The following NQO1 variants were observed in gnomAD, a reference collection of about 807,000 sequenced individuals.
NQO1 encodes NAD(P)H dehydrogenase [quinone] 1.
In NQO1, 30 loss-of-function variants were observed where a neutral mutation model predicts 32.1. The ratio of observed to expected loss-of-function variants is 0.94; its 90% CI spans 0.70 to 1.27. The LOEUF (loss-of-function observed/expected upper bound fraction) is 1.27. Ranked by LOEUF, NQO1 falls within the 50% of genes most tolerant of loss-of-function variation. NQO1 has a pLI of 0.00. For synonymous variants in NQO1, 109 were observed against 119.7 expected, an observed-to-expected ratio of 0.91 and a Z score of 0.59; for missense variants, 276 against 331.3, an observed-to-expected ratio of 0.83 and a Z score of 1.30.
intron 1 of NQO1, among the ~76,000 whole-genome samples, chr16:69,724,027 C>A (rs1447770297): frequency 6.6e-6 from 1 of 151,864 alleles, no homozygotes; most frequent in African/African-American, 2.4e-5. Flanking sequence ...CAAAGTTCAA[C>A]AGAAGGCTGG....
chr16:69,714,482 T>A (rs887869230), intron 4 of NQO1, among the ~76,000 whole-genome samples: 2 of 151,734 alleles, frequency 1.3e-5, no homozygotes, highest in Non-Finnish European at 2.9e-5. Context: ...CTGGAGCATT[T>A]TAAAACAAAT....
chr16:69,712,074 ACTGG>A (rs2038048829), intron 5 of NQO1, among the ~76,000 whole-genome samples: 1 of 152,070 alleles, frequency 6.6e-6, no homozygotes, highest in Non-Finnish European at 1.5e-5. Flanking sequence ...CCATGTATAA[ACTGG>A]CTGGACTAAA....
At chr16:69,723,126 T>G (rs2038215944) in intron 1 of NQO1, among the ~76,000 whole-genome samples, 1 of 152,182 alleles carries the variant, frequency 6.6e-6, no homozygotes, top group Non-Finnish European at 1.5e-5. Context: ...GGTTTCACCG[T>G]GTTAGCCAGG....
chr16:69,718,942 G>A (rs542306162), intron 1 of NQO1, among the ~76,000 whole-genome samples: 35 of 151,942 alleles, frequency 2.3e-4, no homozygotes, highest in African/African-American at 8.2e-4. Flanking sequence ...GGCTGAGGCA[G>A]GAGAATCACT....
intron 3 of NQO1, among the ~76,000 whole-genome samples, chr16:69,716,202 A>G (rs780594266): frequency 6.6e-6 from 1 of 150,800 alleles, no homozygotes; most frequent in African/African-American, 2.4e-5. Context: ...AATCATCATC[A>G]TCATCAACGT....
intron 1 of NQO1, among the ~76,000 whole-genome samples, chr16:69,725,534 C>T (rs1597606414): frequency 1.3e-5 from 2 of 152,132 alleles, no homozygotes; most frequent in East Asian, 3.9e-4. Flanking sequence ...AGAAACGGAT[C>T]CAGTACGATC....
At chr16:69,713,255 A>G (rs750456415) in intron 4 of NQO1, 126 bp from the exon 5 acceptor site, 38 of 721,880 alleles carry the variant, frequency 5.3e-5, no homozygotes, top group Non-Finnish European at 8.4e-5. Context: ...ATATTACTTC[A>G]TACTTTGGCT....
intron 5 of NQO1, 26 bp downstream of exon 5, chr16:69,713,002 A>G (rs766267556): frequency 6.3e-7 from 1 of 1,582,720 alleles, no homozygotes; most frequent in Non-Finnish European, 8.7e-7. Context: ...CAAAGAAAAA[A>G]AAGAAAAGAA....
chr16:69,725,827 T>C (rs1039439865), intron 1 of NQO1, among the ~76,000 whole-genome samples: 1 of 152,224 alleles, frequency 6.6e-6, no homozygotes, highest in African/African-American at 2.4e-5. Context: ...TGAGCTGAGA[T>C]AGCGCCATTG....
At chr16:69,717,321 G>A (rs755632718) in intron 3 of NQO1, among the ~76,000 whole-genome samples, 1 of 152,180 alleles carries the variant, frequency 6.6e-6, no homozygotes, top group Non-Finnish European at 1.5e-5. Context: ...GTGGTTTGCT[G>A]CAGGAACACA....
intron 3 of NQO1, among the ~76,000 whole-genome samples, chr16:69,717,172 T>C (rs1459428505): frequency 6.6e-6 from 1 of 151,560 alleles, no homozygotes; most frequent in Non-Finnish European, 1.5e-5. Context: ...CTATGTTCAA[T>C]ATCAAAAGAC....
At chr16:69,718,329 G>A (rs1292406942) in intron 2 of NQO1, 41 bp downstream of exon 2, 14 of 1,613,380 alleles carry the variant, frequency 8.7e-6, no homozygotes, top group South Asian at 2.2e-5. Flanking sequence ...AAGGAGATCC[G>A]CAAAGAACTA....
Position 69,718,190 on chromosome 16 carries a change from CCTT to C in NQO1, c.233_235del (p.Glu78del), listed in dbSNP as rs763014619. ...AGCCACAATATCTGGGCTCAGATGG[CCTT>C]CTTTATAAGCCAGAACAGACTCGGC... On this transcript the variant is annotated inframe_deletion, in exon 3 of 6. Coordinates refer to ENST00000320623, the MANE Select transcript of NQO1 (RefSeq NM_000903.3). 1 of 1,614,024 alleles carries C rather than the reference CCTT, an allele frequency of 6.2e-7. No individual in the cohort carries two copies. Among genetic ancestry groups the C allele is most frequent in the Non-Finnish European group, 8.5e-7 (1 of 1,180,018 alleles).
intron 1 of NQO1, 25 bp from the exon 2 acceptor site, chr16:69,718,559 C>A: frequency 6.2e-7 from 1 of 1,609,476 alleles, no homozygotes; most frequent in Non-Finnish European, 8.5e-7. Flanking sequence ...ACAAAGCACA[C>A]ACGGAAAACC....
At chr16:69,714,022 C>T (rs138464225) in intron 4 of NQO1, among the ~76,000 whole-genome samples, 3,122 of 151,978 alleles carry the variant, frequency 0.021, 64 homozygotes, top group Middle Eastern at 0.037. Context: ...ACTACAGGCA[C>T]GTGCCACCGC....
Position 69,709,617 on chromosome 16 carries a change from A to G in NQO1, c.*1359T>C, listed in dbSNP as rs1044502263. On this transcript the variant is annotated 3_prime_UTR_variant, in exon 6 of 6. Transcript: ENST00000320623. ...GTCCAATCCCTTCATTTTCTTGGCA[A>G]GTAAGAGGCTGTCTCCCATTTTTCA... The G allele has an allele frequency of 2.5e-6, 1 of 394,050 alleles. No homozygotes were observed. The highest frequency in any genetic ancestry group is 4.5e-6 in the Non-Finnish European group (1 of 223,738). The allele number at this position is 394,050 out of a possible 1,614,324, so 24.4% of individuals were successfully genotyped here.
At chr16:69,716,877 G>C (rs2038119897) in intron 3 of NQO1, among the ~76,000 whole-genome samples, 1 of 152,134 alleles carries the variant, frequency 6.6e-6, no homozygotes, top group African/African-American at 2.4e-5. Context: ...TTTGAGCCCA[G>C]GAGGTTGAGG....
At chr16:69,714,019 G>T (rs1276368186) in intron 4 of NQO1, among the ~76,000 whole-genome samples, 1 of 151,960 alleles carries the variant, frequency 6.6e-6, no homozygotes, top group Non-Finnish European at 1.5e-5. Context: ...GGGACTACAG[G>T]CACGTGCCAC....
intron 1 of NQO1, among the ~76,000 whole-genome samples, chr16:69,722,310 G>A (rs2038203133): frequency 6.6e-6 from 1 of 151,988 alleles, no homozygotes; most frequent in Admixed American, 6.6e-5. Flanking sequence ...TTACAGGCGC[G>A]TGCCACCACG....
Sources: allele counts gnomAD v4.1 joint callset (sites outside exome capture counted in the v4.1 genomes callset), GRCh38; gene constraint gnomAD v4.1.1; transcripts MANE v1.5; gene names NCBI Gene and HGNC (gene_info 2026-07-23, HGNC 2026-07-21).